Variants in XIRP2 observed in about 807,000 individuals in gnomAD.
The protein encoded by XIRP2 is xin actin binding repeat containing 2.
In XIRP2, 236 loss-of-function variants were observed where a neutral mutation model predicts 277.0. The ratio of observed to expected loss-of-function variants is 0.85; its 90% CI spans 0.77 to 0.95. The LOEUF is 0.95. Ranked by LOEUF, XIRP2 falls within the 40% of genes least tolerant of loss-of-function variation. XIRP2 has a pLI of 0.00. For missense variants in XIRP2, 4,640 were observed against 4,157.5 expected (o/e 1.12, Z -3.19); for synonymous variants, 1,490 against 1,416.5 (o/e 1.05, Z -1.17).
chr2:167,107,515 A>G (rs1167439950), intron 2 of XIRP2, among the ~76,000 whole-genome samples: 3 of 151,734 alleles, frequency 2.0e-5, no homozygotes, highest in African/African-American at 7.2e-5. Flanking sequence ...TCAGTTTTAT[A>G]ATATTGAACC....
intron 9 of XIRP2, among the ~76,000 whole-genome samples, chr2:167,252,464 A>G (rs1035228385): frequency 2.0e-5 from 3 of 151,926 alleles, no homozygotes; most frequent in Non-Finnish European, 4.4e-5. Flanking sequence ...TAGACCTTTT[A>G]TATATTCAAC....
intron 2 of XIRP2, among the ~76,000 whole-genome samples, chr2:167,007,162 G>T (rs1330081744): frequency 6.6e-6 from 1 of 151,512 alleles, no homozygotes; most frequent in African/African-American, 2.4e-5. Flanking sequence ...ATGTACAAAA[G>T]ACTCATTTTT....
intron 2 of XIRP2, among the ~76,000 whole-genome samples, chr2:166,981,805 C>CA (rs1686877471): frequency 1.3e-5 from 2 of 152,126 alleles, no homozygotes; most frequent in African/African-American, 4.8e-5. Flanking sequence ...ACCCTATTTC[C>CA]AAATAAGGTC....
At chr2:166,940,812 A>G (rs1475850632) in intron 2 of XIRP2, among the ~76,000 whole-genome samples, 1 of 152,102 alleles carries the variant, frequency 6.6e-6, no homozygotes, top group African/African-American at 2.4e-5. Context: ...TAGAAGCTTC[A>G]TCTCAGAGGG....
At chr2:167,253,450 C>T (rs1695572551) in intron 9 of XIRP2, among the ~76,000 whole-genome samples, 1 of 151,770 alleles carries the variant, frequency 6.6e-6, no homozygotes, top group South Asian at 2.1e-4. Context: ...AGTCTCATTG[C>T]ATTACAATTA....
intron 2 of XIRP2, among the ~76,000 whole-genome samples, chr2:166,951,644 T>C (rs962351731): frequency 3.3e-5 from 5 of 152,064 alleles, no homozygotes; most frequent in African/African-American, 9.7e-5. Flanking sequence ...TTTTCTTTTG[T>C]CATGGTCAAA....
At chr2:167,017,396 C>G (rs890609350) in intron 2 of XIRP2, among the ~76,000 whole-genome samples, 1 of 152,004 alleles carries the variant, frequency 6.6e-6, no homozygotes, top group African/African-American at 2.4e-5. Context: ...ATGTATTCCT[C>G]TCTGTCAACA....
chr2:166,995,447 G>C (rs1687196143), intron 2 of XIRP2, among the ~76,000 whole-genome samples: 1 of 152,184 alleles, frequency 6.6e-6, no homozygotes, highest in South Asian at 2.1e-4. Flanking sequence ...TAGGGCTGAT[G>C]ATCAGTTATG....
chr2:167,237,863 A>G lies in XIRP2; in HGVS notation c.859-1992A>G, dbSNP rs541149995. Reference sequence around the variant, plus strand: ...CACTATATGCCTAATAGATGGAAAGACTTGTCACAGAGGTAAAGAGCTGTC... The same window carrying G: ...CACTATATGCCTAATAGATGGAAAGGCTTGTCACAGAGGTAAAGAGCTGTC... On this transcript the variant is annotated intron_variant, in intron 5 of 10. Transcript: ENST00000409195. Among the ~76,000 whole-genome samples the G allele has an allele frequency of 2.6e-5, 4 of 152,330 alleles. No homozygotes were observed. The East Asian group carries it at 7.7e-4, about 29-fold the overall frequency.
intron 2 of XIRP2, among the ~76,000 whole-genome samples, chr2:166,931,955 C>T (rs1574088674): frequency 1.3e-5 from 2 of 152,034 alleles, no homozygotes; most frequent in South Asian, 4.1e-4. Context: ...TTTAGCCATC[C>T]TAGTGGATGT....
At chr2:167,216,905 T>C (rs900758431) in intron 4 of XIRP2, among the ~76,000 whole-genome samples, 2 of 126,696 alleles carry the variant, frequency 1.6e-5, no homozygotes, top group African/African-American at 4.1e-5. Flanking sequence ...AATGATAGAC[T>C]GGATTAAGAA....
At chr2:166,950,591 T>C (rs778015600) in intron 2 of XIRP2, among the ~76,000 whole-genome samples, 6 of 152,084 alleles carry the variant, frequency 3.9e-5, no homozygotes, top group Non-Finnish European at 4.4e-5. Flanking sequence ...TTCCAACTGA[T>C]TTGAAGATGG....
chr2:166,900,990 A>G (rs1467332373), intron 1 of XIRP2, among the ~76,000 whole-genome samples: 1 of 152,114 alleles, frequency 6.6e-6, no homozygotes, highest in African/African-American at 2.4e-5. Context: ...AAGTAGTTGG[A>G]GAGAGAGACA....
intron 2 of XIRP2, among the ~76,000 whole-genome samples, chr2:167,115,406 T>G (rs1357253589): frequency 6.6e-6 from 1 of 152,178 alleles, no homozygotes; most frequent in South Asian, 2.1e-4. Context: ...AATGCATTCA[T>G]TTAGAGGAAA....
intron 3 of XIRP2, among the ~76,000 whole-genome samples, chr2:167,139,304 C>T (rs1691645594): frequency 6.6e-6 from 1 of 151,970 alleles, no homozygotes; most frequent in South Asian, 2.1e-4. Context: ...TCATGTTCAT[C>T]AGATTTATAT....
chr2:166,966,728 A>G (rs1157125637), intron 2 of XIRP2, among the ~76,000 whole-genome samples: 5 of 152,012 alleles, frequency 3.3e-5, no homozygotes, highest in Non-Finnish European at 7.4e-5. Context: ...GAATCATGAC[A>G]TGGATAATAG....
At chr2:166,923,737 A>G (rs1033232578) in intron 2 of XIRP2, among the ~76,000 whole-genome samples, 4 of 152,098 alleles carry the variant, frequency 2.6e-5, no homozygotes, top group Non-Finnish European at 5.9e-5. Flanking sequence ...GTTTTTTTCT[A>G]CTGTCAGTTT....
At chr2:167,189,575 A>T (rs1290665898) in intron 3 of XIRP2, among the ~76,000 whole-genome samples, 1 of 152,224 alleles carries the variant, frequency 6.6e-6, no homozygotes, top group Non-Finnish European at 1.5e-5. Flanking sequence ...TTGCTCATTC[A>T]CATAACAGGT....
intron 5 of XIRP2, among the ~76,000 whole-genome samples, chr2:167,233,691 T>G (rs1405444523): frequency 6.6e-6 from 1 of 151,792 alleles, no homozygotes; most frequent in Non-Finnish European, 1.5e-5. Context: ...TCTGTTTTTC[T>G]TTTTCTTTAG....
Sources: allele counts gnomAD v4.1 joint callset (sites outside exome capture counted in the v4.1 genomes callset), GRCh38; gene constraint gnomAD v4.1.1; transcripts MANE v1.5; gene names NCBI Gene and HGNC (gene_info 2026-07-23, HGNC 2026-07-21).